The following CUX1 variants were observed in gnomAD, a reference collection of about 807,000 sequenced individuals.
CUX1 encodes protein CASP.
CUX1 carries 31 observed loss-of-function variants against 158.8 expected under a neutral mutation model. That is an observed-to-expected ratio of 0.20 (90% CI 0.15 to 0.26). The LOEUF (loss-of-function observed/expected upper bound fraction) is 0.26. Among genes scored for constraint, CUX1 ranks in the 10% least tolerant of loss-of-function variants. The pLI, the probability that CUX1 is intolerant of heterozygous loss-of-function variation, is 1.00. For synonymous variants in CUX1, 879 were observed against 862.1 expected, an observed-to-expected ratio of 1.02 and a Z score of -0.34; for missense variants, 1,589 against 2,014.6, an observed-to-expected ratio of 0.79 and a Z score of 4.04.
chr7:102,108,054 T>C (rs1830549356), intron 6 of CUX1, among the ~76,000 whole-genome samples: 1 of 152,056 alleles, frequency 6.6e-6, no homozygotes, highest in Non-Finnish European at 1.5e-5. Context: ...TCCTCACCAG[T>C]GAGTGATCAA....
chr7:102,211,326 A>G (rs2132139805), intron 20 of CUX1, among the ~76,000 whole-genome samples: 1 of 151,966 alleles, frequency 6.6e-6, no homozygotes, highest in East Asian at 1.9e-4. Context: ...TGCACCTGTG[A>G]TCCCTGCTAC....
At chr7:101,933,816 AG>A (rs1212343731) in intron 2 of CUX1, among the ~76,000 whole-genome samples, 2 of 152,214 alleles carry the variant, frequency 1.3e-5, no homozygotes, top group Admixed American at 1.3e-4. Flanking sequence ...ATTTTTAACC[AG>A]ACATTTAAAA....
intron 1 of CUX1, among the ~76,000 whole-genome samples, chr7:101,885,682 G>A (rs1179385831): frequency 3.3e-5 from 5 of 152,172 alleles, no homozygotes; most frequent in Non-Finnish European, 7.3e-5. Context: ...CCAGTTCCCC[G>A]AGCACAGAGC....
chr7:102,254,682 G>A lies in CUX1; in HGVS notation c.*5640G>A, dbSNP rs1418188178. 1.7e-5 allele frequency: 17 copies of A among 985,326 alleles called. No individual in the cohort carries two copies. The Admixed American group carries it at 1.8e-4, about 11-fold the overall frequency. 61.0% of individuals were successfully genotyped at this position (985,326 alleles called of 1,614,324 possible). A position where few individuals can be genotyped will look rare whatever the true frequency, so the allele number is the denominator to read the frequency against. On this transcript the variant is annotated 3_prime_UTR_variant, in exon 24 of 24. Transcript: ENST00000292535. ...TTTAGAAAGCCCTCAGTGCTTCTGT[G>A]GTTTCACCTGGGCATCGACGACATT...
intron 1 of CUX1, among the ~76,000 whole-genome samples, chr7:101,894,354 C>T (rs1325704123): frequency 2.0e-5 from 3 of 152,244 alleles, no homozygotes; most frequent in Admixed American, 2.0e-4. Context: ...CGCTCTGTCG[C>T]CCAGGCTGGA....
Position 102,254,843 on chromosome 7 carries a change from A to G in CUX1, c.*5801A>G, listed in dbSNP as rs2132685844. 1.1e-5 allele frequency: 11 copies of G among 985,458 alleles called. No individual in the cohort carries two copies. In the South Asian group the frequency reaches 4.2e-4, roughly 38 times the overall value. 61.0% of individuals were successfully genotyped at this position (985,458 alleles called of 1,614,324 possible). A position where few individuals can be genotyped will look rare whatever the true frequency, so the allele number is the denominator to read the frequency against. ...GCCGGCACACTCGAACGCTAAGAGAATGGTCCAATTTGATGATCTTATTTC... is the reference window on the plus strand; with the variant it reads ...GCCGGCACACTCGAACGCTAAGAGAGTGGTCCAATTTGATGATCTTATTTC... On this transcript the variant is annotated 3_prime_UTR_variant, in exon 24 of 24. Transcript: ENST00000292535.
rs1016766717 is a variant in CUX1 at position 102,188,151 on chromosome 7, A to G, written c.1018-1662A>G. Among the ~76,000 whole-genome samples the G allele has an allele frequency of 2.0e-5, 3 of 151,932 alleles. No homozygotes were observed. In the East Asian group the frequency reaches 5.8e-4, roughly 30 times the overall value. On this transcript the variant is annotated intron_variant, in intron 11 of 23. Transcript: ENST00000292535. The stretch of plus-strand genomic sequence containing the variant: ...GAGTTGGAGGCTGTAGTGAGCTATG[A>G]TCGCACCACTGCACTCCAGCCTGGG...
chr7:101,837,040 GA>G (rs1409018682), intron 1 of CUX1, among the ~76,000 whole-genome samples: 19 of 152,290 alleles, frequency 1.2e-4, no homozygotes, highest in Admixed American at 3.9e-4. Flanking sequence ...GGAGATGGAA[GA>G]GCATTCTGAA....
rs545746747 is a variant in CUX1 at position 102,036,935 on chromosome 7, A to T, written c.189+8790A>T. ...ACCGAGTGCACTGGCTGCTATCTGT[A>T]ATCCCAGCACTTTGGGAGGCTGAAG... On this transcript the variant is annotated intron_variant, in intron 3 of 23. Coordinates refer to ENST00000292535, the MANE Select transcript of CUX1 (RefSeq NM_181552.4). Among the ~76,000 whole-genome samples, 16 of 152,354 alleles carry T rather than the reference A, an allele frequency of 1.1e-4. No homozygotes were observed. The South Asian group carries it at 2.7e-3, about 26-fold the overall frequency.
At chr7:102,059,712 T>A (rs1164604290) in intron 3 of CUX1, among the ~76,000 whole-genome samples, 1 of 151,852 alleles carries the variant, frequency 6.6e-6, no homozygotes, top group East Asian at 1.9e-4. Flanking sequence ...TCCGACTCAG[T>A]CTTAGCTGAC....
intron 4 of CUX1, among the ~76,000 whole-genome samples, chr7:102,095,912 T>C (rs115597217): frequency 0.016 from 2,395 of 152,330 alleles, 50 homozygotes; most frequent in African/African-American, 0.053. Context: ...AATTGCCTCT[T>C]AGGCAGCAGA....
intron 1 of CUX1, among the ~76,000 whole-genome samples, chr7:101,818,697 T>C (rs922704122): frequency 3.9e-5 from 6 of 152,230 alleles, no homozygotes; most frequent in Non-Finnish European, 5.9e-5. Context: ...TGATTTCCTA[T>C]GGGTTTGCAA....
At chr7:102,229,304 T>C (rs74777724) in intron 21 of CUX1, among the ~76,000 whole-genome samples, 3 of 3,974 alleles carry the variant, frequency 7.5e-4, no homozygotes, top group East Asian at 0.042. Flanking sequence ...TGTTTCATCT[T>C]TTTTTTTTTT....
At chr7:102,063,519 G>A (rs1364302421) in intron 3 of CUX1, among the ~76,000 whole-genome samples, 2 of 149,914 alleles carry the variant, frequency 1.3e-5, no homozygotes, top group African/African-American at 2.4e-5. Flanking sequence ...CTCCCAAGTA[G>A]CTGGAATTAC....
At chr7:102,071,280 G>A (rs1370545788) in intron 4 of CUX1, among the ~76,000 whole-genome samples, 1 of 152,170 alleles carries the variant, frequency 6.6e-6, no homozygotes, top group Admixed American at 6.5e-5. Context: ...CTTTTAGAGG[G>A]ATTGAAGAAT....
At chr7:101,874,544 G>A (rs1341685144) in intron 1 of CUX1, among the ~76,000 whole-genome samples, 1 of 152,196 alleles carries the variant, frequency 6.6e-6, no homozygotes, top group Admixed American at 6.5e-5. Flanking sequence ...TTAGGATCGT[G>A]ATGTCTTTGA....
At chr7:101,919,707 C>A (rs955002680) in intron 2 of CUX1, among the ~76,000 whole-genome samples, 2 of 152,214 alleles carry the variant, frequency 1.3e-5, no homozygotes, top group African/African-American at 2.4e-5. Context: ...GGATTAGGCA[C>A]CCGCGAGGGT....
chr7:102,018,595 G>A (rs1336625898), intron 2 of CUX1, among the ~76,000 whole-genome samples: 1 of 152,202 alleles, frequency 6.6e-6, no homozygotes, highest in Admixed American at 6.5e-5. Context: ...TGCCCCTGAG[G>A]CCACACACAG....
At chr7:102,015,501 T>C (rs1232770991) in intron 2 of CUX1, among the ~76,000 whole-genome samples, 1 of 152,182 alleles carries the variant, frequency 6.6e-6, no homozygotes, top group Non-Finnish European at 1.5e-5. Context: ...TTGCTGGGGT[T>C]ACAGGTGTGA....
Sources: allele counts gnomAD v4.1 joint callset (sites outside exome capture counted in the v4.1 genomes callset), GRCh38; gene constraint gnomAD v4.1.1; transcripts MANE v1.5; gene names NCBI Gene and HGNC (gene_info 2026-07-23, HGNC 2026-07-21).